Variants in NALCN observed in about 807,000 individuals in gnomAD.
NALCN encodes sodium leak channel, non-selective.
Under a neutral mutation model 225.3 loss-of-function variants are expected in NALCN, and 111 were observed. The observed-to-expected ratio is 0.49, with a 90% CI of 0.42 to 0.58. The LOEUF (loss-of-function observed/expected upper bound fraction) is 0.58, where lower values mean the gene tolerates loss of function less well. NALCN is among the 20% of genes least tolerant of loss of function. The probability of loss-of-function intolerance (pLI) is 0.00; values close to 1 mark genes in which losing one functional copy is unlikely to be tolerated. For synonymous variants in NALCN, 764 were observed against 769.0 expected, an observed-to-expected ratio of 0.99 and a Z score of 0.11; for missense variants, 1,378 against 2,202.4, an observed-to-expected ratio of 0.63 and a Z score of 7.49.
intron 13 of NALCN, among the ~76,000 whole-genome samples, chr13:101,199,368 T>TAAA (rs2040020565): frequency 6.6e-6 from 1 of 151,750 alleles, no homozygotes; most frequent in Admixed American, 6.6e-5. Context: ...ACTGTGGCAC[T>TAAA]ATTCACAATA....
chr13:101,123,027 T>C (rs1276409926), intron 18 of NALCN, among the ~76,000 whole-genome samples: 1 of 152,214 alleles, frequency 6.6e-6, no homozygotes, highest in East Asian at 1.9e-4. Context: ...AGTTTCACCT[T>C]TCTTTTGTAA....
At chr13:101,258,621 T>G in intron 10 of NALCN, 47 bp from the exon 11 acceptor site, 1 of 1,611,858 alleles carries the variant, frequency 6.2e-7, no homozygotes, top group Non-Finnish European at 8.5e-7. Flanking sequence ...ATAAACCTCA[T>G]GATTAAGTGT....
chr13:101,338,775 T>G (rs147003730), intron 7 of NALCN, among the ~76,000 whole-genome samples: 46 of 152,330 alleles, frequency 3.0e-4, no homozygotes, highest in African/African-American at 1.1e-3. Flanking sequence ...GGAATAAAAC[T>G]AAGCTTTGCA....
intron 7 of NALCN, among the ~76,000 whole-genome samples, chr13:101,318,283 T>G (rs1217107905): frequency 6.6e-6 from 1 of 151,976 alleles, no homozygotes; most frequent in East Asian, 1.9e-4. Context: ...CATGAGTGAG[T>G]GAGCATGGAG....
intron 14 of NALCN, among the ~76,000 whole-genome samples, chr13:101,182,120 C>T (rs9585647): frequency 0.29 from 34,009 of 116,450 alleles, 4,923 homozygotes; most frequent in Non-Finnish European, 0.34. Flanking sequence ...GGCAACAGAG[C>T]GAGACTCCAT....
At chr13:101,341,237 T>G (rs2045549755) in intron 7 of NALCN, among the ~76,000 whole-genome samples, 1 of 152,204 alleles carries the variant, frequency 6.6e-6, no homozygotes, top group Non-Finnish European at 1.5e-5. Context: ...TGACTGAATG[T>G]TTTCAAGAAG....
chr13:101,083,177 T>G lies in NALCN; in HGVS notation c.3605A>C (p.Lys1202Thr). The G allele has an allele frequency of 6.2e-7, 1 of 1,614,106 alleles. No individual in the cohort carries two copies. The highest frequency in any genetic ancestry group is 8.5e-7 in the Non-Finnish European group (1 of 1,179,978). ...PRPDNDGFRA[K>T]MYDITQHPFF... is the part of the protein sequence containing the mutation. Reference sequence around the variant, plus strand: ...TGGATGCTGGGTTATGTCATACATTTTAGCTCTAAAACCATCATTATCTAG... The same window carrying G: ...TGGATGCTGGGTTATGTCATACATTGTAGCTCTAAAACCATCATTATCTAG... Residue 1202 changes from lysine to threonine, a missense_variant, in exon 32 of 44, where the codon AAA becomes ACA. By Grantham distance (78) the Lys-to-Thr change is moderately conservative (BLOSUM62 -1). Transcript: ENST00000251127.
intron 7 of NALCN, among the ~76,000 whole-genome samples, chr13:101,331,255 C>A (rs2045159752): frequency 6.6e-6 from 1 of 151,830 alleles, no homozygotes; most frequent in Non-Finnish European, 1.5e-5. Context: ...GAAACAAATT[C>A]TAAAATAAGC....
chr13:101,277,032 G>A (rs1483486189), intron 10 of NALCN, among the ~76,000 whole-genome samples: 3 of 151,860 alleles, frequency 2.0e-5, no homozygotes, highest in Non-Finnish European at 2.9e-5. Context: ...AAAAACGTGT[G>A]TATATATATG....
intron 9 of NALCN, among the ~76,000 whole-genome samples, chr13:101,289,264 T>C (rs1464658628): frequency 6.6e-6 from 1 of 152,166 alleles, no homozygotes; most frequent in East Asian, 1.9e-4. Context: ...CTACATCATT[T>C]TCCTTCTGTT....
At chr13:101,123,423 T>A (rs1484492025) in intron 18 of NALCN, among the ~76,000 whole-genome samples, 2 of 152,218 alleles carry the variant, frequency 1.3e-5, no homozygotes, top group African/African-American at 4.8e-5. Context: ...ATGATCCTGA[T>A]GTAACATGTG....
Position 101,170,391 on chromosome 13 carries a change from G to A in NALCN, c.1839+5909C>T, listed in dbSNP as rs1431832057. Among the ~76,000 whole-genome samples the A allele has an allele frequency of 8.5e-5, 13 of 152,212 alleles. No homozygotes were observed. The South Asian group carries it at 1.0e-3, about 12-fold the overall frequency. ...CTCAAAGCTTTGGAAGTGGTTTAAC[G>A]ACATTGGGGAAGGAGGTCTGCTTTA... On this transcript the variant is annotated intron_variant, in intron 15 of 43. Coordinates refer to ENST00000251127, the MANE Select transcript of NALCN (RefSeq NM_052867.4).
At position 101,054,827 on chromosome 13, in the gene NALCN, T is replaced by TTCAGA. The variant is rs1384581661; in HGVS notation, c.*463_*467dup. 2.6e-5 allele frequency: 4 copies of TTCAGA among 152,918 alleles called. No individual in the cohort carries two copies. The highest frequency in any genetic ancestry group is 9.6e-5 in the African/African-American group (4 of 41,490). The allele number at this position is 152,918 out of a possible 1,614,324, so 9.5% of individuals were successfully genotyped here. A position where few individuals can be genotyped will look rare whatever the true frequency, so the allele number is the denominator to read the frequency against. On this transcript the variant is annotated 3_prime_UTR_variant, in exon 44 of 44. Coordinates refer to ENST00000251127, the MANE Select transcript of NALCN (RefSeq NM_052867.4). Reference sequence around the variant, plus strand: ...TTAGCATAAGTTCAGTGCTGACCTTTTCAGATCAATCATAAATAATAAATT... The same window carrying TTCAGA: ...TTAGCATAAGTTCAGTGCTGACCTTTTCAGATCAGATCAATCATAAATAATAAATT...
intron 18 of NALCN, 93 bp from the exon 19 acceptor site, chr13:101,111,319 G>A: frequency 3.7e-6 from 4 of 1,090,550 alleles, no homozygotes; most frequent in Non-Finnish European, 5.1e-6. Flanking sequence ...TATTTTAAAG[G>A]CAACACCAAT....
chr13:101,055,418 A>C lies in NALCN; in HGVS notation c.5094T>G (p.Ser1698=). 2 of 1,614,164 alleles carry C rather than the reference A, an allele frequency of 1.2e-6. No individual in the cohort carries two copies. Among genetic ancestry groups the C allele is most frequent in the Non-Finnish European group, 1.7e-6 (2 of 1,180,018 alleles). ...TCATGGGGTTCATTTTGCACACGAC[A>C]GATTTCATGGTTGTCCTTCCTCCAA... The part of the protein sequence containing the change: ...LRFGGRTTMK[S]VVCKMNPMTD... Residue 1698 remains serine (S), a synonymous_variant, in exon 44 of 44, where the codon TCT becomes TCG. Transcript: ENST00000251127.
chr13:101,240,138 C>G (rs548247197), intron 11 of NALCN, among the ~76,000 whole-genome samples: 3 of 152,090 alleles, frequency 2.0e-5, no homozygotes, highest in Admixed American at 2.0e-4. Flanking sequence ...GTTAGTGCTA[C>G]AAACATAAAA....
chr13:101,303,212 G>A (rs747157420), intron 7 of NALCN, among the ~76,000 whole-genome samples: 29 of 152,120 alleles, frequency 1.9e-4, no homozygotes, highest in Non-Finnish European at 3.8e-4. Context: ...AAAAAGCTTC[G>A]TTTTGATTTA....
chr13:101,362,774 C>A (rs1183983110), intron 6 of NALCN, among the ~76,000 whole-genome samples: 1 of 151,992 alleles, frequency 6.6e-6, no homozygotes, highest in Non-Finnish European at 1.5e-5. Context: ...AAACGACATC[C>A]AAATTGGGAA....
At chr13:101,130,484 G>A (rs1169474975) in intron 17 of NALCN, among the ~76,000 whole-genome samples, 1 of 152,130 alleles carries the variant, frequency 6.6e-6, no homozygotes, top group East Asian at 1.9e-4. Context: ...AGTTCATTTA[G>A]GTTATCTGAG....
Sources: gnomAD v4.1 joint callset for allele counts (sites outside exome capture counted in the v4.1 genomes callset) on GRCh38, gnomAD v4.1.1 for gene constraint, MANE v1.5 for transcripts, NCBI Gene and HGNC (gene_info 2026-07-23, HGNC 2026-07-21) for gene names.